Variants in FGFR2 observed in about 807,000 individuals in gnomAD.
The protein encoded by FGFR2 is fibroblast growth factor receptor 2, also known as BEK fibroblast growth factor receptor.
A neutral mutation model predicts 95.9 loss-of-function variants in FGFR2; 19 were observed. That is an observed-to-expected ratio of 0.20 (90% CI 0.14 to 0.29). The LOEUF is 0.29. Among genes scored for constraint, FGFR2 ranks in the 10% least tolerant of loss-of-function variants. The pLI is 1.00. For synonymous variants in FGFR2, 392 were observed against 393.3 expected (o/e 1.00, Z 0.04); for missense variants, 707 against 1,056.9 (o/e 0.67, Z 4.59).
At chr10:121,563,689 C>T (rs1857277983) in intron 4 of FGFR2, among the ~76,000 whole-genome samples, 1 of 152,098 alleles carries the variant, frequency 6.6e-6, no homozygotes, top group African/African-American at 2.4e-5. Flanking sequence ...ATTATTACTC[C>T]CATTTTATAA....
chr10:121,594,184 T>A (rs1014596995), intron 1 of FGFR2: 38 of 445,680 alleles, frequency 8.5e-5, no homozygotes, highest in Non-Finnish European at 1.5e-4. Context: ...AAAGCATACT[T>A]TTAAGAAACA....
chr10:121,526,632 C>A (rs1851403930), intron 6 of FGFR2: 1 of 398,398 alleles, frequency 2.5e-6, no homozygotes, highest in South Asian at 1.3e-4. Flanking sequence ...CCAGGAAGAC[C>A]ACCTTCAGAA....
chr10:121,493,109 T>C (rs1846347617), intron 13 of FGFR2, among the ~76,000 whole-genome samples: 1 of 152,102 alleles, frequency 6.6e-6, no homozygotes, highest in African/African-American at 2.4e-5. Context: ...CTCATCGTCC[T>C]CCCCCATACA....
At chr10:121,580,977 A>G (rs1172419705) in intron 2 of FGFR2, among the ~76,000 whole-genome samples, 1 of 152,174 alleles carries the variant, frequency 6.6e-6, no homozygotes, top group East Asian at 1.9e-4. Flanking sequence ...GGCACCTGGG[A>G]GGAGGCAGAA....
At chr10:121,513,219 A>G (rs1454868052) in intron 9 of FGFR2, among the ~76,000 whole-genome samples, 1 of 152,242 alleles carries the variant, frequency 6.6e-6, no homozygotes, top group Non-Finnish European at 1.5e-5. Flanking sequence ...ATTGCATGTG[A>G]GTATACATAT....
intron 13 of FGFR2, among the ~76,000 whole-genome samples, chr10:121,495,883 G>A (rs1259713430): frequency 1.3e-5 from 2 of 152,170 alleles, no homozygotes; most frequent in African/African-American, 2.4e-5. Context: ...AAATGCCTCC[G>A]AGGACATCTG....
At chr10:121,540,985 C>CT (rs1350070189) in intron 5 of FGFR2, among the ~76,000 whole-genome samples, 1 of 152,096 alleles carries the variant, frequency 6.6e-6, no homozygotes, top group Non-Finnish European at 1.5e-5. Context: ...TCACTGCTCC[C>CT]TTTTTTTAAC....
intron 4 of FGFR2, among the ~76,000 whole-genome samples, chr10:121,561,573 C>T (rs963582018): frequency 6.6e-6 from 1 of 152,028 alleles, no homozygotes; most frequent in Admixed American, 6.6e-5. Flanking sequence ...CACATAAATA[C>T]AAAATACAAA....
intron 6 of FGFR2, among the ~76,000 whole-genome samples, chr10:121,523,527 C>G (rs190895629): frequency 6.6e-6 from 1 of 152,312 alleles, no homozygotes; most frequent in African/African-American, 2.4e-5. Flanking sequence ...GGCCTCCTAC[C>G]AAGAGACTTC....
intron 2 of FGFR2, among the ~76,000 whole-genome samples, chr10:121,586,798 A>G (rs1861893437): frequency 6.6e-6 from 1 of 152,238 alleles, no homozygotes. Flanking sequence ...CAGTGAGGAA[A>G]GAGAAACTTG....
chr10:121,528,573 G>A (rs973449371), intron 6 of FGFR2, among the ~76,000 whole-genome samples: 5 of 152,120 alleles, frequency 3.3e-5, no homozygotes, highest in African/African-American at 9.7e-5. Context: ...CTCCTAGGGC[G>A]GTTCGAGCAG....
chr10:121,496,831 TAAA>T, intron 12 of FGFR2, 109 bp from the exon 13 acceptor site: 8 of 928,772 alleles, frequency 8.6e-6, no homozygotes, highest in East Asian at 2.6e-5. Context: ...TTTTTTTTTT[TAAA>T]GTTTAACATA....
chr10:121,557,204 A>G (rs572582324), intron 4 of FGFR2, among the ~76,000 whole-genome samples: 20 of 152,362 alleles, frequency 1.3e-4, no homozygotes, highest in Middle Eastern at 3.4e-3. Flanking sequence ...AACTTCTCCA[A>G]TCATTGGCTA....
chr10:121,507,191 G>A (rs1356220824), intron 9 of FGFR2, among the ~76,000 whole-genome samples: 5 of 152,308 alleles, frequency 3.3e-5, no homozygotes, highest in South Asian at 2.1e-4. Context: ...GGGACTGTGC[G>A]GTCAGATTGT....
At chr10:121,567,522 G>A (rs1264140694) in intron 2 of FGFR2, among the ~76,000 whole-genome samples, 1 of 152,242 alleles carries the variant, frequency 6.6e-6, no homozygotes. Context: ...AGCAAGAGGA[G>A]ACAAGATAAA....
intron 13 of FGFR2, among the ~76,000 whole-genome samples, chr10:121,494,932 A>G (rs1472456290): frequency 1.3e-5 from 2 of 152,160 alleles, no homozygotes; most frequent in African/African-American, 4.8e-5. Context: ...TGTCCTTTCT[A>G]AGAACTGGCC....
At chr10:121,571,430 T>C (rs913926435) in intron 2 of FGFR2, among the ~76,000 whole-genome samples, 1 of 150,008 alleles carries the variant, frequency 6.7e-6, no homozygotes, top group African/African-American at 2.5e-5. Flanking sequence ...TCTGGAGTAA[T>C]GGGATTACAG....
At chr10:121,557,838 G>C (rs1187977512) in intron 4 of FGFR2, among the ~76,000 whole-genome samples, 1 of 152,142 alleles carries the variant, frequency 6.6e-6, no homozygotes, top group Non-Finnish European at 1.5e-5. Context: ...AATGAAATGA[G>C]TTTGGAATCT....
intron 4 of FGFR2, among the ~76,000 whole-genome samples, chr10:121,562,946 A>G (rs1448270552): frequency 6.6e-6 from 1 of 152,190 alleles, no homozygotes; most frequent in Non-Finnish European, 1.5e-5. Context: ...ACTGCTCGAA[A>G]AAATAAAGTA....
Sources: allele counts gnomAD v4.1 joint callset (sites outside exome capture counted in the v4.1 genomes callset), GRCh38; gene constraint gnomAD v4.1.1; transcripts MANE v1.5; gene names NCBI Gene and HGNC (gene_info 2026-07-23, HGNC 2026-07-21).